The following CYP19A1 variants were observed in gnomAD, a reference collection of about 807,000 sequenced individuals.
The protein encoded by CYP19A1 is cytochrome P450 family 19 subfamily A member 1.
Under a neutral mutation model 44.4 loss-of-function variants are expected in CYP19A1, and 32 were observed. The observed-to-expected ratio is 0.72, with a 90% CI of 0.54 to 0.97. The LOEUF (loss-of-function observed/expected upper bound fraction) is 0.97, where lower values mean the gene tolerates loss of function less well. Among genes scored for constraint, CYP19A1 ranks in the 50% least tolerant of loss-of-function variants. The pLI, the probability that CYP19A1 is intolerant of heterozygous loss-of-function variation, is 0.00. For synonymous variants in CYP19A1, 212 were observed against 215.6 expected (o/e 0.98, Z 0.14); for missense variants, 598 against 637.8 (o/e 0.94, Z 0.67).
At chr15:51,334,913 C>T (rs913480493) in intron 1 of CYP19A1, among the ~76,000 whole-genome samples, 1 of 152,212 alleles carries the variant, frequency 6.6e-6, no homozygotes, top group East Asian at 1.9e-4. Flanking sequence ...TAGGTAAAAG[C>T]CCAGTCACTC....
At chr15:51,212,183 G>C in intron 9 of CYP19A1, 137 bp downstream of exon 9, 1 of 767,508 alleles carries the variant, frequency 1.3e-6, no homozygotes. Context: ...TAGGGGACGT[G>C]TGTGCTCCTG....
At chr15:51,216,294 C>T (rs1320460946) in intron 6 of CYP19A1, among the ~76,000 whole-genome samples, 1 of 152,180 alleles carries the variant, frequency 6.6e-6, no homozygotes, top group African/African-American at 2.4e-5. Context: ...ATCTGTCACC[C>T]AGGCTGGAGT....
chr15:51,238,210 A>T (rs904924518), intron 2 of CYP19A1, among the ~76,000 whole-genome samples: 1 of 152,204 alleles, frequency 6.6e-6, no homozygotes, highest in African/African-American at 2.4e-5. Context: ...TAATCTTGTG[A>T]TTATTTTAGT....
chr15:51,237,346 A>G (rs944076677), intron 2 of CYP19A1, among the ~76,000 whole-genome samples: 8 of 152,206 alleles, frequency 5.3e-5, no homozygotes, highest in South Asian at 2.1e-4. Context: ...ATACAAGTCA[A>G]TTGGTGCATT....
In CYP19A1 at chr15:51,332,928, A is replaced by G. The variant is rs1378896895; in HGVS notation, c.-39+5567T>C. On this transcript the variant is annotated intron_variant, in intron 1 of 9. Coordinates refer to ENST00000396402, the MANE Select transcript of CYP19A1 (RefSeq NM_000103.4). ...TTAGACTTCTGGAATTTCTCAACCT[A>G]TGAATCATTTGTCTTGCCCATAACT... Among the ~76,000 whole-genome samples, 9 of 152,258 alleles carry G rather than the reference A, an allele frequency of 5.9e-5. No individual in the cohort carries two copies. The East Asian group carries it at 1.7e-3, about 29-fold the overall frequency.
At chr15:51,259,532 T>C (rs1241233032) in intron 1 of CYP19A1, among the ~76,000 whole-genome samples, 1 of 152,120 alleles carries the variant, frequency 6.6e-6, no homozygotes, top group Non-Finnish European at 1.5e-5. Flanking sequence ...TGCCATAGGT[T>C]GGATGAGGTG....
intron 1 of CYP19A1, among the ~76,000 whole-genome samples, chr15:51,284,188 A>G (rs2445752): frequency 0.29 from 44,427 of 152,104 alleles, 9,690 homozygotes; most frequent in African/African-American, 0.61. Context: ...AGAACAGGCG[A>G]CTTTGGTAGT....
intron 1 of CYP19A1, among the ~76,000 whole-genome samples, chr15:51,257,566 AG>A (rs1446174104): frequency 6.6e-6 from 1 of 152,222 alleles, no homozygotes; most frequent in African/African-American, 2.4e-5. Context: ...GGCAGCCAAG[AG>A]GAGCTTTGCC....
chr15:51,215,258 T>A (rs758055562), intron 7 of CYP19A1, 26 bp from the exon 8 acceptor site: 1 of 1,613,720 alleles, frequency 6.2e-7, no homozygotes. Context: ...ATGGGAAAAA[T>A]TTGGAAAAGT....
At chr15:51,267,791 A>C (rs950141479) in intron 1 of CYP19A1, among the ~76,000 whole-genome samples, 1 of 152,220 alleles carries the variant, frequency 6.6e-6, no homozygotes, top group Non-Finnish European at 1.5e-5. Flanking sequence ...GCGGGACCCT[A>C]TGGCGGATTG....
Position 51,262,564 on chromosome 15 carries a change from C to T in CYP19A1, c.-38-19614G>A, listed in dbSNP as rs554318444. On this transcript the variant is annotated intron_variant, in intron 1 of 9. Transcript: ENST00000396402. ...TTCTTCCTTACTGCTGACAGTTAGT[C>T]TTCCAAAATCTATAGAGTTTGCCAT... 2.0e-5 allele frequency among the ~76,000 whole-genome samples: 3 copies of T among 152,290 alleles called. No homozygotes were observed. The South Asian group carries it at 6.2e-4, about 32-fold the overall frequency.
chr15:51,261,614 C>T (rs1306669735), intron 1 of CYP19A1, among the ~76,000 whole-genome samples: 1 of 152,198 alleles, frequency 6.6e-6, no homozygotes, highest in Non-Finnish European at 1.5e-5. Flanking sequence ...CTTGATATAG[C>T]TAACTGCATA....
At chr15:51,229,702 C>T (rs2032879903) in intron 3 of CYP19A1, among the ~76,000 whole-genome samples, 1 of 152,026 alleles carries the variant, frequency 6.6e-6, no homozygotes, top group Non-Finnish European at 1.5e-5. Flanking sequence ...TATTTGAAAA[C>T]TCTAGCTTTA....
Position 51,261,108 on chromosome 15 carries a change from C to T in CYP19A1, c.-38-18158G>A, listed in dbSNP as rs368785855. On this transcript the variant is annotated intron_variant, in intron 1 of 9. Coordinates refer to ENST00000396402, the MANE Select transcript of CYP19A1 (RefSeq NM_000103.4). ...TCGGGCTAGAGGCTCGCCATTGTTC[C>T]TGCATGGCTAAGTGCTCAGGTTCAG... Among the ~76,000 whole-genome samples, 42 of 152,310 alleles carry T rather than the reference C, an allele frequency of 2.8e-4. 1 individual carries two copies. In the South Asian group the frequency reaches 8.5e-3, roughly 31 times the overall value.
At position 51,222,675 on chromosome 15, in the gene CYP19A1, T is replaced by C. The variant is rs1468430193; in HGVS notation, c.452-150A>G. ...GTTTTCATAATATTTTCGTATGCTT[T>C]TCTGTGGTCTCCTAATTTTACATAA... On this transcript the variant is annotated intron_variant, in intron 4 of 9. Coordinates refer to ENST00000396402, the MANE Select transcript of CYP19A1 (RefSeq NM_000103.4). The C allele has an allele frequency of 4.3e-6, 3 of 705,300 alleles. No homozygotes were observed. In the Admixed American group the frequency reaches 6.4e-5, roughly 15 times the overall value. 43.7% of individuals were successfully genotyped at this position (705,300 alleles called of 1,614,324 possible). A position where few individuals can be genotyped will look rare whatever the true frequency, so the allele number is the denominator to read the frequency against.
chr15:51,253,439 G>C (rs1215392571), intron 1 of CYP19A1, among the ~76,000 whole-genome samples: 1 of 152,162 alleles, frequency 6.6e-6, no homozygotes, highest in Non-Finnish European at 1.5e-5. Flanking sequence ...GAGTGGGGTA[G>C]TCGTGTAGCT....
At chr15:51,304,894 T>C (rs960633914) in intron 1 of CYP19A1, among the ~76,000 whole-genome samples, 2 of 131,848 alleles carry the variant, frequency 1.5e-5, no homozygotes, top group African/African-American at 7.0e-5. Flanking sequence ...CTCTTCCTTT[T>C]TTTTTTTTTT....
chr15:51,313,243 C>G (rs1382171685), intron 1 of CYP19A1: 1 of 152,216 alleles, frequency 6.6e-6, no homozygotes, highest in Non-Finnish European at 1.5e-5. Context: ...GGGAATAGGC[C>G]TTCTCTTCTT....
At chr15:51,236,186 G>A (rs1406490521) in intron 3 of CYP19A1, among the ~76,000 whole-genome samples, 1 of 152,180 alleles carries the variant, frequency 6.6e-6, no homozygotes, top group African/African-American at 2.4e-5. Context: ...CTCGCATAAA[G>A]TCATAAATGG....
Sources: gnomAD v4.1 joint callset for allele counts (sites outside exome capture counted in the v4.1 genomes callset) on GRCh38, gnomAD v4.1.1 for gene constraint, MANE v1.5 for transcripts, NCBI Gene and HGNC (gene_info 2026-07-23, HGNC 2026-07-21) for gene names.